MEGF6: variants seen among roughly 807,000 people sequenced by gnomAD.
MEGF6 encodes the protein multiple epidermal growth factor-like domains protein 6.
A neutral mutation model predicts 207.1 loss-of-function variants in MEGF6; 184 were observed. That is an observed-to-expected ratio of 0.89 (90% CI 0.79 to 1.00). MEGF6 has a LOEUF of 1.00. Ranked by LOEUF, MEGF6 falls within the 50% of genes least tolerant of loss-of-function variation. The pLI is 0.00. For missense variants in MEGF6, 2,282 were observed against 2,202.9 expected, an observed-to-expected ratio of 1.04 and a Z score of -0.72; for synonymous variants, 1,038 against 910.0, an observed-to-expected ratio of 1.14 and a Z score of -2.53.
chr1:3,498,451 C>T lies in MEGF6; in HGVS notation c.3272G>A (p.Cys1091Tyr). The part of the protein sequence containing the change: ...VRAGCRHSGG[C>Y]LNGGLCDPHT... Reference sequence around the variant, plus strand: ...CGGGTCACACAGGCCCCCGTTGAGGCAACCGCCGCTGTGCCGGCAGCCAGC... The same window carrying T: ...CGGGTCACACAGGCCCCCGTTGAGGTAACCGCCGCTGTGCCGGCAGCCAGC... The change falls in exon 26 of 37, where the codon TGC becomes TAC. Residue 1091 changes from cysteine (C) to tyrosine (Y), a missense_variant. Physicochemically the swap from Cys to Tyr is radical, Grantham distance 194. Transcript: ENST00000356575. 1 of 1,575,304 alleles carries T rather than the reference C, an allele frequency of 6.3e-7. No homozygotes were observed.
At position 3,509,260 on chromosome 1, in the gene MEGF6, G is replaced by A. The variant is rs764917043; in HGVS notation, c.1358-15C>T. 4.6e-5 allele frequency: 67 copies of A among 1,456,394 alleles called. No homozygotes were observed. The highest frequency in any genetic ancestry group is 5.9e-5 in the Non-Finnish European group (65 of 1,102,176). The allele number at this position is 1,456,394 out of a possible 1,614,324, so 90.2% of individuals were successfully genotyped here. On this transcript the variant is annotated splice_polypyrimidine_tract_variant and intron_variant, in intron 11 of 36. Transcript: ENST00000356575. ...CTCCTCCAGGGCTGCCAGGGGCACA[G>A]AGGCGCCTTAGCCCCTGCCACCCAC...
intron 4 of MEGF6, among the ~76,000 whole-genome samples, chr1:3,538,374 C>T (rs1026063547): frequency 3.3e-5 from 5 of 152,222 alleles, no homozygotes; most frequent in East Asian, 1.9e-4. Context: ...GGGGCCTCCC[C>T]GAACCATTCC....
rs1263071489 is a variant in MEGF6, at chr1:3,579,895, G to A, written c.411C>T (p.Gly137=). The change falls in exon 4 of 37, where the codon GGC becomes GGT. Residue 137 remains glycine, a synonymous_variant. Transcript: ENST00000356575. The stretch of plus-strand genomic sequence containing the variant: ...GCTGGGCTGAGCCTGGCACACAACG[G>A]CCACCGTGAAAACAGAGGCTGGCGC... The part of the protein sequence containing the change: ...ECSASLCFHG[G]RCVPGSAQPC... 5.9e-6 allele frequency: 9 copies of A among 1,537,902 alleles called. No individual in the cohort carries two copies. Among genetic ancestry groups the A allele is most frequent in the Admixed American group, 2.3e-5 (1 of 44,030 alleles).
At chr1:3,568,591 G>A (rs2101681466) in intron 4 of MEGF6, among the ~76,000 whole-genome samples, 1 of 152,204 alleles carries the variant, frequency 6.6e-6, no homozygotes, top group Non-Finnish European at 1.5e-5. Context: ...CCAAATGCAA[G>A]GACACCCACA....
rs754771853 is a variant in MEGF6 at position 3,505,560 on chromosome 1, C to T, written c.1919-4G>A. The T allele has an allele frequency of 5.1e-6, 8 of 1,568,846 alleles. No homozygotes were observed. The highest frequency in any genetic ancestry group is 6.9e-6 in the Non-Finnish European group (8 of 1,161,356). ...CCAAAGGCCCACGGCGGGCAGGCTG[C>T]ACCCACAGAACCGTTGAGGGGGGCT... On this transcript the variant is annotated splice_region_variant and splice_polypyrimidine_tract_variant and intron_variant, in intron 15 of 36. Transcript: ENST00000356575.
At chr1:3,602,334 G>T in intron 2 of MEGF6, 132 bp downstream of exon 2, 2 of 1,355,052 alleles carry the variant, frequency 1.5e-6, no homozygotes, top group Non-Finnish European at 2.0e-6. Flanking sequence ...TCAGATGAGG[G>T]CTTCAGGCAG....
At chr1:3,519,928 C>A (rs1319107705) in intron 5 of MEGF6, among the ~76,000 whole-genome samples, 1 of 152,154 alleles carries the variant, frequency 6.6e-6, no homozygotes, top group Non-Finnish European at 1.5e-5. Flanking sequence ...GGGAGGCCAC[C>A]CCCAGCCGTG....
intron 9 of MEGF6, 91 bp from the exon 10 acceptor site, chr1:3,510,993 A>C: frequency 1.3e-6 from 2 of 1,490,128 alleles, no homozygotes; most frequent in Non-Finnish European, 1.8e-6. Context: ...ACCACACACA[A>C]CCCACGCGCC....
chr1:3,541,610 A>AG (rs1419490784), intron 4 of MEGF6, among the ~76,000 whole-genome samples: 1 of 151,908 alleles, frequency 6.6e-6, no homozygotes, highest in African/African-American at 2.4e-5. Flanking sequence ...AGCTGGCCCG[A>AG]GGGGGGCAGC....
intron 9 of MEGF6, among the ~76,000 whole-genome samples, chr1:3,511,144 G>A (rs1415037918): frequency 6.6e-6 from 1 of 152,246 alleles, no homozygotes; most frequent in East Asian, 1.9e-4. Flanking sequence ...CAGGACACAT[G>A]TCACAGCCCC....
At chr1:3,500,213 G>C (rs1012602401) in intron 21 of MEGF6, among the ~76,000 whole-genome samples, 1 of 152,190 alleles carries the variant, frequency 6.6e-6, no homozygotes, top group Non-Finnish European at 1.5e-5. Flanking sequence ...ACCAAGCCTC[G>C]GGGGCACACA....
At chr1:3,507,988 A>G in intron 13 of MEGF6, 65 bp from the exon 14 acceptor site, 1 of 1,557,402 alleles carries the variant, frequency 6.4e-7, no homozygotes, top group Non-Finnish European at 8.7e-7. Flanking sequence ...ACCCCTTCCT[A>G]GGGTTGGAGG....
rs778243731 is a variant in MEGF6 at position 3,573,435 on chromosome 1, G to A, written c.481+6390C>T. On this transcript the variant is annotated intron_variant, in intron 4 of 36. Coordinates refer to ENST00000356575, the MANE Select transcript of MEGF6 (RefSeq NM_001409.4). This position sits in a 1 kb window ranked among gnomAD's most constrained non-coding sequence, Gnocchi z 5.1. ...AGGTAAGCACGGGAAACAGTGCGGG[G>A]AGCCTGGAACTACAGCCCAGGACCA... 6.6e-6 allele frequency among the ~76,000 whole-genome samples: 1 copy of A among 152,230 alleles called. No homozygotes were observed. The highest frequency in any genetic ancestry group is 1.5e-5 in the Non-Finnish European group (1 of 68,038).
intron 11 of MEGF6, 129 bp downstream of exon 11, chr1:3,509,741 A>C: frequency 7.7e-7 from 1 of 1,300,658 alleles, no homozygotes. Flanking sequence ...GTGTTGGCCC[A>C]GAGAGGCCAG....
chr1:3,562,951 C>T (rs866615458), intron 4 of MEGF6, among the ~76,000 whole-genome samples: 6 of 152,128 alleles, frequency 3.9e-5, no homozygotes, highest in Admixed American at 1.3e-4. Context: ...TGTCCTCAGG[C>T]GCCCCCAGGC....
intron 25 of MEGF6, 58 bp from the exon 26 acceptor site, chr1:3,498,557 C>A: frequency 4.0e-6 from 6 of 1,506,182 alleles, no homozygotes; most frequent in Non-Finnish European, 5.3e-6. Flanking sequence ...CCCAGGAGAC[C>A]CTGACCCATG....
chr1:3,618,328 C>T, the MEGF6 span, among the ~76,000 whole-genome samples: 1 of 152,156 alleles, frequency 6.6e-6, no homozygotes, highest in South Asian at 2.1e-4. This position sits in a 1 kb window ranked among gnomAD's most constrained non-coding sequence, Gnocchi z 4.7. Flanking sequence ...TGAAGTCTCC[C>T]AGCCTCCTCC....
chr1:3,522,401 G>A (rs956203106), intron 5 of MEGF6, among the ~76,000 whole-genome samples: 1 of 152,182 alleles, frequency 6.6e-6, no homozygotes, highest in Non-Finnish European at 1.5e-5. Context: ...GAGGTCCCAG[G>A]AGCCTCCTGC....
rs7543634 is a variant in MEGF6, at chr1:3,514,671, A to G, written c.732T>C (p.Arg244=). ...QLQEDGRHCV[R]RSPCANRNGS... ...CGTTCCTGTTGGCACACGGGCTTCT[A>G]CCTGCAGCCACGGGCCCGAGGAGGG... The change falls in exon 7 of 37, where the codon CGT becomes CGC. Residue 244 remains arginine (R), a splice_region_variant and synonymous_variant. Coordinates refer to ENST00000356575, the MANE Select transcript of MEGF6 (RefSeq NM_001409.4). 5 of 1,573,914 alleles carry G rather than the reference A, an allele frequency of 3.2e-6. No homozygotes were observed. The Admixed American group carries it at 8.8e-5, about 28-fold the overall frequency.
Sources: gnomAD v4.1 joint callset for allele counts (sites outside exome capture counted in the v4.1 genomes callset) on GRCh38, gnomAD v4.1.1 for gene constraint, Gnocchi (gnomAD v3.1) non-coding constraint, MANE v1.5 for transcripts, NCBI Gene and HGNC (gene_info 2026-07-23, HGNC 2026-07-21) for gene names.